EYS: variants seen among roughly 807,000 people sequenced by gnomAD.
EYS encodes EGF-like photoreceptor maintenance factor, also known as protein eyes shut homolog.
Under a neutral mutation model 282.1 loss-of-function variants are expected in EYS, and 250 were observed. The observed-to-expected ratio is 0.89, with a 90% CI of 0.80 to 0.98. EYS has a LOEUF of 0.98. Ranked by LOEUF, EYS falls within the 50% of genes least tolerant of loss-of-function variation. EYS has a pLI of 0.00. For missense variants in EYS, 4,016 were observed against 3,709.0 expected, an observed-to-expected ratio of 1.08 and a Z score of -2.15; for synonymous variants, 1,355 against 1,282.9, an observed-to-expected ratio of 1.06 and a Z score of -1.20.
chr6:65,646,466 A>C (rs926450898), intron 1 of EYS, among the ~76,000 whole-genome samples: 18 of 152,322 alleles, frequency 1.2e-4, no homozygotes, highest in Non-Finnish European at 2.5e-4. Context: ...ATTTGATAAA[A>C]TACAGCATCC....
intron 29 of EYS, among the ~76,000 whole-genome samples, chr6:64,309,473 A>C (rs1257291997): frequency 6.6e-6 from 1 of 152,220 alleles, no homozygotes; most frequent in African/African-American, 2.4e-5. Flanking sequence ...CTTATGTTTT[A>C]ATAGACTGAC....
intron 26 of EYS, among the ~76,000 whole-genome samples, chr6:64,533,396 A>T (rs1188742356): frequency 2.0e-5 from 3 of 152,162 alleles, no homozygotes; most frequent in African/African-American, 7.2e-5. Flanking sequence ...AGAATCAATT[A>T]TCTATGTACA....
chr6:64,771,042 A>G (rs1410306938), intron 22 of EYS, among the ~76,000 whole-genome samples: 2 of 151,880 alleles, frequency 1.3e-5, no homozygotes, highest in East Asian at 3.9e-4. Context: ...GATGAGCGCC[A>G]ATTCCCCTTC....
At chr6:64,779,887 T>A (rs1202131992) in intron 22 of EYS, among the ~76,000 whole-genome samples, 3 of 152,220 alleles carry the variant, frequency 2.0e-5, no homozygotes, top group Admixed American at 2.0e-4. Flanking sequence ...GTTTAGTAAT[T>A]ACTAGTGCTC....
intron 31 of EYS, among the ~76,000 whole-genome samples, chr6:64,171,721 G>C (rs774568644): frequency 2.8e-4 from 43 of 152,064 alleles, no homozygotes; most frequent in Non-Finnish European, 5.3e-4. Flanking sequence ...AATCTCCATA[G>C]ATTAAAAAAA....
chr6:63,849,131 C>T lies in EYS; in HGVS notation c.7228+15055G>A, dbSNP rs572561816. 4.6e-5 allele frequency among the ~76,000 whole-genome samples: 7 copies of T among 152,328 alleles called. No homozygotes were observed. The East Asian group carries it at 1.4e-3, about 29-fold the overall frequency. ...CAAAGCCACTGTAGCCAGACTGCCTCTCTAGATTCCTCCTCTCTGGGCAGG... is the reference window on the plus strand; with the variant it reads ...CAAAGCCACTGTAGCCAGACTGCCTTTCTAGATTCCTCCTCTCTGGGCAGG... On this transcript the variant is annotated intron_variant, in intron 36 of 42. Transcript: ENST00000503581.
chr6:65,624,256 TA>T (rs1766619075), intron 2 of EYS, among the ~76,000 whole-genome samples: 1 of 152,196 alleles, frequency 6.6e-6, no homozygotes, highest in African/African-American at 2.4e-5. Context: ...CCCTGTATTT[TA>T]AAATGACTTA....
In EYS at chr6:63,721,736, G is replaced by A. The variant is rs755694301; in HGVS notation, c.8295C>T (p.Asp2765=). Residue 2765 remains aspartate (D), a synonymous_variant, in exon 43 of 43, where the codon GAC becomes GAT. Coordinates refer to ENST00000503581, the MANE Select transcript of EYS (RefSeq NM_001142800.2). The part of the protein sequence containing the change: ...SSVQLRYNLG[D]RTIILETLQK... ...GGAGAGTTTCTAGAATGATAGTTCT[G>A]TCGCCAAGGTTGTAGCGAAGTTGAA... 6 of 1,550,462 alleles carry A rather than the reference G, an allele frequency of 3.9e-6. No individual in the cohort carries two copies. Among genetic ancestry groups the A allele is most frequent in the Non-Finnish European group, 2.6e-6 (3 of 1,146,026 alleles).
chr6:64,400,896 CAT>C (rs1444659208), intron 28 of EYS, among the ~76,000 whole-genome samples: 1 of 152,008 alleles, frequency 6.6e-6, no homozygotes, highest in Non-Finnish European at 1.5e-5. Flanking sequence ...TTTGGACTGA[CAT>C]AACGGTAATC....
At chr6:65,191,369 G>T (rs951131882) in intron 12 of EYS, among the ~76,000 whole-genome samples, 1 of 151,722 alleles carries the variant, frequency 6.6e-6, no homozygotes, top group East Asian at 1.9e-4. Flanking sequence ...TGTGGCAAAA[G>T]AACAAAAAAT....
At chr6:63,907,269 A>C (rs1204713040) in intron 35 of EYS, among the ~76,000 whole-genome samples, 1 of 152,174 alleles carries the variant, frequency 6.6e-6, no homozygotes, top group Non-Finnish European at 1.5e-5. Flanking sequence ...TGTGAGGCCT[A>C]TACCTCTCCT....
intron 26 of EYS, among the ~76,000 whole-genome samples, chr6:64,449,889 C>A (rs1007946811): frequency 6.6e-6 from 1 of 152,134 alleles, no homozygotes; most frequent in African/African-American, 2.4e-5. Flanking sequence ...CCGGTACCAG[C>A]CACTGCAGAA....
chr6:64,489,184 T>C (rs550208530), intron 26 of EYS, among the ~76,000 whole-genome samples: 126 of 151,058 alleles, frequency 8.3e-4, no homozygotes, highest in African/African-American at 2.9e-3. Flanking sequence ...ACTTGCAATG[T>C]AAGAAAATAT....
At chr6:64,616,970 G>A (rs1427860031) in intron 24 of EYS, among the ~76,000 whole-genome samples, 2 of 152,032 alleles carry the variant, frequency 1.3e-5, no homozygotes, top group Non-Finnish European at 2.9e-5. Flanking sequence ...TGCTAATGGA[G>A]TTCAGGCCAG....
chr6:63,943,714 C>T (rs2149759716), intron 35 of EYS, among the ~76,000 whole-genome samples: 1 of 152,206 alleles, frequency 6.6e-6, no homozygotes, highest in East Asian at 1.9e-4. Context: ...TGCTAGTTAC[C>T]AGAGAGGCAT....
At chr6:65,193,156 A>C (rs1184653972) in intron 12 of EYS, among the ~76,000 whole-genome samples, 1 of 151,880 alleles carries the variant, frequency 6.6e-6, no homozygotes, top group African/African-American at 2.4e-5. Context: ...AATCCTTAAC[A>C]GGTTAATTTC....
intron 26 of EYS, among the ~76,000 whole-genome samples, chr6:64,473,000 TTTTCAGCTTTGATC>T (rs1366514321): frequency 6.6e-6 from 1 of 152,186 alleles, no homozygotes; most frequent in Non-Finnish European, 1.5e-5. Context: ...AAATTACTAA[TTTTCAGCTTTGATC>T]TTTCATTTAT....
At chr6:65,455,507 TTAAC>T (rs1005166044) in intron 5 of EYS, among the ~76,000 whole-genome samples, 1 of 151,844 alleles carries the variant, frequency 6.6e-6, no homozygotes, top group South Asian at 2.1e-4. Context: ...TCACAAATCT[TTAAC>T]TAAACTAAAA....
chr6:65,640,085 T>C (rs1010260462), intron 1 of EYS, among the ~76,000 whole-genome samples, 193 bp from the exon 2 acceptor site: 49 of 152,180 alleles, frequency 3.2e-4, no homozygotes, highest in Non-Finnish European at 1.5e-4. Flanking sequence ...ACTTTCAAAA[T>C]GGGCAGTATA....
Sources: gnomAD v4.1 joint callset for allele counts (sites outside exome capture counted in the v4.1 genomes callset) on GRCh38, gnomAD v4.1.1 for gene constraint, MANE v1.5 for transcripts, NCBI Gene and HGNC (gene_info 2026-07-23, HGNC 2026-07-21) for gene names.